INSL6: variants seen among roughly 807,000 people sequenced by gnomAD.
INSL6 encodes insulin-like peptide INSL6.
In INSL6, 16 loss-of-function variants were observed where a neutral mutation model predicts 9.4. The ratio of observed to expected loss-of-function variants is 1.70; its 90% CI spans 1.15 to 2.59. INSL6 has a LOEUF of 2.59. Among genes scored for constraint, INSL6 ranks in the 30% most tolerant of loss-of-function variants. The pLI is 0.00. For synonymous variants in INSL6, 154 were observed against 96.9 expected (o/e 1.59, Z -3.46); for missense variants, 391 against 257.3 (o/e 1.52, Z -3.56).
chr9:5,026,721 G>T, the INSL6 span, among the ~76,000 whole-genome samples: 5 of 152,246 alleles, frequency 3.3e-5, no homozygotes, highest in South Asian at 8.3e-4. Flanking sequence ...GTGTGTGTAC[G>T]TGTATGCGTA....
rs112313160 is a variant in INSL6 at position 5,183,774 on chromosome 9, G to A, written c.289+1540C>T. On this transcript the variant is annotated intron_variant, in intron 1 of 1. Transcript: ENST00000381641. Reference sequence around the variant, plus strand: ...AAGAACAAGAAAGAGGAGTTTAAAAGAAAAAAAAAAGAGAGAGACAGACAG... The same window carrying A: ...AAGAACAAGAAAGAGGAGTTTAAAAAAAAAAAAAAAGAGAGAGACAGACAG... 1.8e-3 allele frequency among the ~76,000 whole-genome samples: 268 copies of A among 146,092 alleles called. 3 individuals are homozygous for A. Among genetic ancestry groups the A allele is most frequent in the African/African-American group, 6.0e-3 (240 of 39,958 alleles).
At chr9:5,126,515 C>G (rs1181092208) in intron 3 of INSL6, 1 of 1,120,096 alleles carries the variant, frequency 8.9e-7, no homozygotes, top group Non-Finnish European at 1.3e-6. Context: ...GACTTCAGTT[C>G]ACTTCCTGAA....
the INSL6 span, chr9:5,080,291 T>A: frequency 1.2e-6 from 2 of 1,613,788 alleles, no homozygotes; most frequent in Admixed American, 3.3e-5. Context: ...AAATTTAAAT[T>A]TGGCAACAGA....
Position 5,133,235 on chromosome 9 carries a change from C to CA in INSL6, c.*10+189dup, listed in dbSNP as rs948255302. ...GTGGGAAAGTTGGGGGAGGATAATG[C>CA]AAAAAAAAAGTTGAGAAACACTACT... is the stretch of plus-strand genomic sequence containing the variant. On this transcript the variant is annotated intron_variant, in intron 3 of 3. Transcript: ENST00000649639. 1.5e-4 allele frequency among the ~76,000 whole-genome samples: 23 copies of CA among 149,164 alleles called. 1 individual carries two copies. The highest frequency in any genetic ancestry group is 5.2e-4 in the African/African-American group (21 of 40,446).
chr9:5,038,254 CAG>C, the INSL6 span, among the ~76,000 whole-genome samples: 2 of 152,028 alleles, frequency 1.3e-5, no homozygotes, highest in African/African-American at 2.4e-5. Flanking sequence ...AAAGAAAGAA[CAG>C]AAAGTTTGAA....
chr9:5,164,272 A>G lies in INSL6; in HGVS notation c.290-7T>C, dbSNP rs1372157296. On this transcript the variant is annotated splice_region_variant and splice_polypyrimidine_tract_variant and intron_variant, in intron 1 of 1. Transcript: ENST00000381641. ...TCTTCCCAAGAAGTAGACACTGTTG[A>G]GAGAGAAGAAAATAAATGCTCCTTT... 2 of 1,557,010 alleles carry G rather than the reference A, an allele frequency of 1.3e-6. No homozygotes were observed. Among genetic ancestry groups the G allele is most frequent in the South Asian group, 1.2e-5 (1 of 86,918 alleles).
the INSL6 span, among the ~76,000 whole-genome samples, chr9:5,011,963 C>G: frequency 2.6e-5 from 4 of 152,232 alleles, no homozygotes; most frequent in Non-Finnish European, 5.9e-5. Context: ...AATCCTGACT[C>G]TCCAGGACCA....
the INSL6 span, among the ~76,000 whole-genome samples, chr9:5,033,783 A>C: frequency 7.9e-5 from 12 of 152,188 alleles, no homozygotes; most frequent in African/African-American, 2.9e-4. Flanking sequence ...CCACTGCAAA[A>C]ACACGCCAAA....
chr9:5,069,158 C>G, the INSL6 span: 1 of 1,612,086 alleles, frequency 6.2e-7, no homozygotes. Flanking sequence ...ACTGTTCGCT[C>G]AGACAATATA....
the INSL6 span, chr9:5,089,903 G>C: frequency 3.4e-5 from 46 of 1,344,222 alleles, no homozygotes; most frequent in Middle Eastern, 5.1e-4. Context: ...TTCAAGGTAT[G>C]TGTTTGGCAT....
chr9:5,048,618 C>T, the INSL6 span, among the ~76,000 whole-genome samples: 8 of 152,094 alleles, frequency 5.3e-5, no homozygotes, highest in East Asian at 9.6e-4. Flanking sequence ...GTATTAGCAA[C>T]GTTTAGGCCT....
At chr9:5,137,969 A>T (rs986509581) in intron 2 of INSL6, among the ~76,000 whole-genome samples, 4 of 133,988 alleles carry the variant, frequency 3.0e-5, no homozygotes, top group African/African-American at 8.9e-5. Flanking sequence ...TGGCCAAAAA[A>T]CATATGAAAC....
intron 1 of INSL6, among the ~76,000 whole-genome samples, chr9:5,174,963 A>ATC (rs1274947982): frequency 1.3e-5 from 2 of 149,670 alleles, no homozygotes; most frequent in African/African-American, 4.9e-5. Flanking sequence ...TTTTTGAGAC[A>ATC]GAGTCTCGCT....
rs1825554410 is a variant in INSL6 at position 5,185,481 on chromosome 9, AT to A, written c.121del (p.Ile41Ter). 1 of 1,614,108 alleles carries A rather than the reference AT, an allele frequency of 6.2e-7. No homozygotes were observed. Among genetic ancestry groups the A allele is most frequent in the Non-Finnish European group, 8.5e-7 (1 of 1,180,014 alleles). ...KLCGRYLVKE[I>X]EKLCGHANWS... The stretch of plus-strand genomic sequence containing the variant: ...GTTGGCATGGCCGCAGAGTTTTTCT[AT>A]TTCTTTCACCAAGTACCTGCCGCAC... On this transcript the variant is annotated frameshift_variant, in exon 1 of 2. Coordinates refer to ENST00000381641, the MANE Select transcript of INSL6 (RefSeq NM_007179.3). LOFTEE classifies it high-confidence loss of function.
intron 2 of INSL6, among the ~76,000 whole-genome samples, chr9:5,156,274 C>T (rs545660421): frequency 6.6e-5 from 10 of 152,264 alleles, no homozygotes; most frequent in Admixed American, 6.5e-4. Flanking sequence ...AGAAATAAAT[C>T]ATATAATCCT....
chr9:5,080,527 T>C, the INSL6 span: 11 of 1,578,682 alleles, frequency 7.0e-6, no homozygotes, highest in Admixed American at 2.0e-5. Context: ...GGTTCTTTAA[T>C]TATAGAAGCT....
intron 2 of INSL6, among the ~76,000 whole-genome samples, chr9:5,142,269 C>T (rs1370518575): frequency 6.6e-6 from 1 of 152,066 alleles, no homozygotes; most frequent in African/African-American, 2.4e-5. Flanking sequence ...GGTAGCTTAA[C>T]AGGTATAACA....
chr9:5,061,766 A>T, the INSL6 span, among the ~76,000 whole-genome samples: 1 of 152,212 alleles, frequency 6.6e-6, no homozygotes, highest in African/African-American at 2.4e-5. Context: ...TTGCCTTTTT[A>T]GTGCAAGAGG....
intron 2 of INSL6, among the ~76,000 whole-genome samples, chr9:5,148,687 C>G (rs188188872): frequency 1.3e-5 from 2 of 152,268 alleles, no homozygotes; most frequent in East Asian, 3.9e-4. Flanking sequence ...TCCAGCAGTT[C>G]CTGGCTTGGC....
Sources: allele counts gnomAD v4.1 joint callset (sites outside exome capture counted in the v4.1 genomes callset), GRCh38; gene constraint gnomAD v4.1.1; transcripts MANE v1.5; gene names NCBI Gene and HGNC (gene_info 2026-07-23, HGNC 2026-07-21).